Variants in SAMSN1 observed in about 807,000 individuals in gnomAD.
SAMSN1 encodes SAM domain, SH3 domain and nuclear localization signals 1, also known as SAM domain-containing protein SAMSN-1.
Under a neutral mutation model 42.0 loss-of-function variants are expected in SAMSN1, and 31 were observed. The observed-to-expected ratio is 0.74, with a 90% CI of 0.55 to 1.00. SAMSN1 has a LOEUF of 1.00. Among genes scored for constraint, SAMSN1 ranks in the 50% least tolerant of loss-of-function variants. The pLI is 0.00. For synonymous variants in SAMSN1, 178 were observed against 151.9 expected (o/e 1.17, Z -1.26); for missense variants, 464 against 439.4 (o/e 1.06, Z -0.50).
At chr21:14,623,216 G>A (rs189718072) in intron 2 of SAMSN1, among the ~76,000 whole-genome samples, 7 of 152,280 alleles carry the variant, frequency 4.6e-5, no homozygotes, top group South Asian at 2.1e-4. Flanking sequence ...ATCAACTAAC[G>A]AGAAAAATAA....
intron 7 of SAMSN1, chr21:14,593,936 T>G (rs1349826256): frequency 4.3e-6 from 3 of 705,232 alleles, no homozygotes; most frequent in Non-Finnish European, 7.9e-6. Flanking sequence ...TAGAAAACAG[T>G]GCTTGTGGCA....
At chr21:14,492,267 C>T (rs1366345371) in intron 7 of SAMSN1, among the ~76,000 whole-genome samples, 1 of 152,198 alleles carries the variant, frequency 6.6e-6, no homozygotes, top group East Asian at 1.9e-4. Flanking sequence ...CTCTTGCACA[C>T]ATGCATGGTT....
intron 1 of SAMSN1, among the ~76,000 whole-genome samples, chr21:14,649,573 C>T (rs1258123536): frequency 1.3e-5 from 2 of 151,998 alleles, no homozygotes; most frequent in Non-Finnish European, 2.9e-5. Flanking sequence ...AGTTTCAGAC[C>T]AGTCTGAAAA....
At chr21:14,533,811 T>G (rs1036269616) in intron 1 of SAMSN1, among the ~76,000 whole-genome samples, 5 of 152,178 alleles carry the variant, frequency 3.3e-5, no homozygotes, top group African/African-American at 9.7e-5. Context: ...GAAGTTTGCT[T>G]GATTCATGTG....
chr21:14,546,834 C>A (rs1236112327), upstream of SAMSN1, among the ~76,000 whole-genome samples: 1 of 152,048 alleles, frequency 6.6e-6, no homozygotes, highest in African/African-American at 2.4e-5. Context: ...CTCAGCCTCC[C>A]AAGTAGCTGA....
At chr21:14,640,381 G>A (rs1254056696) in intron 2 of SAMSN1, among the ~76,000 whole-genome samples, 2 of 152,068 alleles carry the variant, frequency 1.3e-5, no homozygotes, top group Non-Finnish European at 2.9e-5. Context: ...CCCGGATTGA[G>A]GACTGGAAGC....
At chr21:14,574,350 G>C (rs904797456) in intron 2 of SAMSN1, among the ~76,000 whole-genome samples, 3 of 152,104 alleles carry the variant, frequency 2.0e-5, no homozygotes, top group African/African-American at 7.2e-5. Context: ...AATGTTTTAT[G>C]ATAACTTTAG....
At chr21:14,497,264 G>A (rs1986947448) in intron 7 of SAMSN1, among the ~76,000 whole-genome samples, 1 of 152,166 alleles carries the variant, frequency 6.6e-6, no homozygotes, top group South Asian at 2.1e-4. Context: ...CTTGCTCAGA[G>A]CACATATGTT....
intron 1 of SAMSN1, among the ~76,000 whole-genome samples, chr21:14,541,997 AAAGG>A (rs1250578131): frequency 1.3e-5 from 2 of 151,806 alleles, no homozygotes; most frequent in South Asian, 2.1e-4. Flanking sequence ...GAAAAAAAAA[AAAGG>A]AAGGAAGGAA....
At chr21:14,649,820 A>G (rs1219387480) in intron 1 of SAMSN1, among the ~76,000 whole-genome samples, 3 of 127,584 alleles carry the variant, frequency 2.4e-5, no homozygotes, top group Admixed American at 1.6e-4. Flanking sequence ...CACACACAGA[A>G]AGAGAGAAAA....
Position 14,516,274 on chromosome 21 carries a change from T to C in SAMSN1, c.279+618A>G, listed in dbSNP as rs140286299. Among the ~76,000 whole-genome samples, 1,064 of 152,322 alleles carry C rather than the reference T, an allele frequency of 7.0e-3. 14 individuals carry two copies. The highest frequency in any genetic ancestry group is 0.025 in the African/African-American group (1,021 of 41,566). ...GGATAAAGTAAATGTGATCCATCTA[T>C]AAAAGGAGAAATATTATTTGGCAAT... On this transcript the variant is annotated intron_variant, in intron 3 of 7. Coordinates refer to ENST00000400566, the MANE Select transcript of SAMSN1 (RefSeq NM_022136.5).
intron 2 of SAMSN1, among the ~76,000 whole-genome samples, chr21:14,624,264 A>C (rs1983100715): frequency 1.3e-5 from 2 of 152,206 alleles, no homozygotes; most frequent in South Asian, 2.1e-4. Flanking sequence ...GAAGGCAAGA[A>C]ATAACTAAGA....
chr21:14,544,090 C>A (rs996606679), intron 1 of SAMSN1, among the ~76,000 whole-genome samples: 13 of 152,158 alleles, frequency 8.5e-5, no homozygotes, highest in African/African-American at 2.4e-5. Flanking sequence ...TGCTCTGTTG[C>A]CCAGGCTGGA....
At chr21:14,591,527 G>C (rs1483934453) in intron 7 of SAMSN1, 2 of 152,078 alleles carry the variant, frequency 1.3e-5, no homozygotes, top group African/African-American at 4.8e-5. Flanking sequence ...AGTCAGTATG[G>C]TCAATAAATA....
rs1008186563 is a variant in SAMSN1, at chr21:14,645,731, T to C, written c.25-2598A>G. ...GACCTTTCAGATAATTTGAAATAGA[T>C]GTGTTGAGGAAACTCAAAAGAAATT... On this transcript the variant is annotated intron_variant, in intron 1 of 15. Transcript: ENST00000647101. 3.3e-5 allele frequency among the ~76,000 whole-genome samples: 5 copies of C among 152,212 alleles called. No homozygotes were observed. The East Asian group carries it at 9.6e-4, about 29-fold the overall frequency.
At chr21:14,487,138 T>TCC (rs1439169385) in intron 7 of SAMSN1, among the ~76,000 whole-genome samples, 2 of 152,128 alleles carry the variant, frequency 1.3e-5, no homozygotes, top group Non-Finnish European at 2.9e-5. Context: ...TCTGAATAGC[T>TCC]CCACGTTGAA....
At chr21:14,656,421 T>C (rs930566714) in intron 1 of SAMSN1, among the ~76,000 whole-genome samples, 1 of 151,806 alleles carries the variant, frequency 6.6e-6, no homozygotes, top group Non-Finnish European at 1.5e-5. Flanking sequence ...TTTCAAATTA[T>C]TGAAGAAATT....
intron 2 of SAMSN1, among the ~76,000 whole-genome samples, chr21:14,519,352 A>G (rs146881124): frequency 4.6e-5 from 7 of 152,290 alleles, no homozygotes; most frequent in African/African-American, 1.7e-4. Context: ...ATGAACCTGA[A>G]TGAACATGAG....
At chr21:14,649,463 A>T (rs1568843438) in intron 1 of SAMSN1, among the ~76,000 whole-genome samples, 3 of 152,150 alleles carry the variant, frequency 2.0e-5, no homozygotes, top group Non-Finnish European at 1.5e-5. Flanking sequence ...TGAAAAAAAT[A>T]AATTAATTAA....
Sources: allele counts gnomAD v4.1 joint callset (sites outside exome capture counted in the v4.1 genomes callset), GRCh38; gene constraint gnomAD v4.1.1; transcripts MANE v1.5; gene names NCBI Gene and HGNC (gene_info 2026-07-23, HGNC 2026-07-21).